Variants in MS4A4E observed in about 807,000 individuals in gnomAD.
MS4A4E encodes putative membrane-spanning 4-domains subfamily A member 4E.
MS4A4E carries 23 observed loss-of-function variants against 13.3 expected under a neutral mutation model. The observed-to-expected ratio is 1.73, with a 90% CI of 1.25 to 2.45. The LOEUF is 2.45. MS4A4E is among the 30% of genes most tolerant of loss of function. MS4A4E has a pLI of 0.00. For synonymous variants in MS4A4E, 36 were observed against 45.6 expected (o/e 0.79, Z 0.85); for missense variants, 144 against 131.2 (o/e 1.10, Z -0.48).
Position 60,222,198 on chromosome 11 carries a change from C to T in MS4A4E, c.178+6396G>A, listed in dbSNP as rs955141185. Among the ~76,000 whole-genome samples, 4 of 152,324 alleles carry T rather than the reference C, an allele frequency of 2.6e-5. No homozygotes were observed. The East Asian group carries it at 7.7e-4, about 29-fold the overall frequency. ...CGGTTTTTCCTCACCAGAATAGACA[C>T]TTACTTTGGATATGGGTTTGCCTAT... On this transcript the variant is annotated intron_variant, in intron 3 of 8. Transcript: ENST00000651255.
chr11:60,228,262 C>T lies in MS4A4E; in HGVS notation c.178+332G>A, dbSNP rs536337356. On this transcript the variant is annotated intron_variant, in intron 3 of 8. Transcript: ENST00000651255. ...CTCAACATTAAGAATACTAACATCCCAATTAAAAAAATGTGTCAAAAACTT... is the reference window on the plus strand; with the variant it reads ...CTCAACATTAAGAATACTAACATCCTAATTAAAAAAATGTGTCAAAAACTT... Among the ~76,000 whole-genome samples the T allele has an allele frequency of 2.6e-5, 4 of 151,982 alleles. No individual in the cohort carries two copies. The South Asian group carries it at 8.3e-4, about 32-fold the overall frequency.
rs1308271465 is a variant in MS4A4E, at chr11:60,224,873, TA to T, written c.178+3720del. The T allele has an allele frequency of 8.8e-6, 10 of 1,136,236 alleles. No homozygotes were observed. The African/African-American group carries it at 1.4e-4, about 16-fold the overall frequency. 70.4% of individuals were successfully genotyped at this position (1,136,236 alleles called of 1,614,324 possible). ...GATACCATTCTCAAATTTACAGAAT[TA>T]CAAGATAGAATTAGAATAAAATTGC... On this transcript the variant is annotated intron_variant, in intron 3 of 8. Transcript: ENST00000651255.
rs376543277 is a variant in MS4A4E at position 60,235,034 on chromosome 11, T to A, written c.-16-4963A>T. Among the ~76,000 whole-genome samples, 13 of 152,248 alleles carry A rather than the reference T, an allele frequency of 8.5e-5. No homozygotes were observed. In the East Asian group the frequency reaches 1.4e-3, roughly 16 times the overall value. On this transcript the variant is annotated intron_variant, in intron 1 of 8. Coordinates refer to ENST00000651255, the MANE Select transcript of MS4A4E (RefSeq NM_001393391.1). ...TAGGTCAGATAAAATAAACTTCTAA[T>A]CAAAAACTGTCAAAAGAGGCAAAGA...
At position 60,200,475 on chromosome 11, in the gene MS4A4E, A is replaced by G. The variant is rs1220181537; in HGVS notation, c.*1068T>C. 6.6e-6 allele frequency among the ~76,000 whole-genome samples: 1 copy of G among 152,096 alleles called. No individual in the cohort carries two copies. The highest frequency in any genetic ancestry group is 1.9e-4 in the East Asian group (1 of 5,190). ...TTTGTGTCCCTGGGTACTTGAGATT[A>G]GGGAGTGGTGATGACTCTTAACGAG... is the stretch of plus-strand genomic sequence containing the variant. On this transcript the variant is annotated 3_prime_UTR_variant, in exon 9 of 9. Transcript: ENST00000651255.
Position 60,200,498 on chromosome 11 carries a change from G to C in MS4A4E, c.*1045C>G, listed in dbSNP as rs1025272606. ...TTAGGGAGTGGTGATGACTCTTAAC[G>C]AGCATGCTGCCTTCAAGCATCTGTT... On this transcript the variant is annotated 3_prime_UTR_variant, in exon 9 of 9. Transcript: ENST00000651255. 6.6e-6 allele frequency among the ~76,000 whole-genome samples: 1 copy of C among 152,024 alleles called. No individual in the cohort carries two copies. Among genetic ancestry groups the C allele is most frequent in the Non-Finnish European group, 1.5e-5 (1 of 67,990 alleles).
At chr11:60,229,084 C>T (rs537067263) in intron 2 of MS4A4E, among the ~76,000 whole-genome samples, 1 of 152,336 alleles carries the variant, frequency 6.6e-6, no homozygotes, top group South Asian at 2.1e-4. Flanking sequence ...ACAAATGTCC[C>T]ACTCTGGTGG....
intron 1 of MS4A4E, among the ~76,000 whole-genome samples, chr11:60,237,948 C>T (rs1018308470): frequency 4.6e-5 from 7 of 151,594 alleles, no homozygotes; most frequent in Non-Finnish European, 8.8e-5. Flanking sequence ...TGGCTTTTTG[C>T]GGTTTTTGTC....
At chr11:60,218,555 C>G (rs892238415) in intron 3 of MS4A4E, among the ~76,000 whole-genome samples, 7 of 152,092 alleles carry the variant, frequency 4.6e-5, no homozygotes, top group Non-Finnish European at 2.9e-5. Context: ...ATTTCTCAAG[C>G]CAGCCAACGC....
At chr11:60,227,732 T>C (rs2134958782) in intron 3 of MS4A4E, among the ~76,000 whole-genome samples, 1 of 152,166 alleles carries the variant, frequency 6.6e-6, no homozygotes, top group Admixed American at 6.5e-5. Context: ...GACTGTGTGA[T>C]ATTGGCAAAG....
chr11:60,230,555 T>C (rs575077923), intron 1 of MS4A4E, among the ~76,000 whole-genome samples: 35 of 152,328 alleles, frequency 2.3e-4, no homozygotes, highest in Non-Finnish European at 4.4e-4. Flanking sequence ...TCTTCCCATG[T>C]AACCTTGTAT....
At chr11:60,203,442 C>G (rs1057515279) in intron 8 of MS4A4E, among the ~76,000 whole-genome samples, 2 of 152,110 alleles carry the variant, frequency 1.3e-5, no homozygotes, top group African/African-American at 4.8e-5. Context: ...GGAATTTAAT[C>G]ATGTATGTAA....
intron 5 of MS4A4E, among the ~76,000 whole-genome samples, 176 bp from the exon 6 acceptor site, chr11:60,208,870 T>C (rs1486412534): frequency 6.6e-6 from 1 of 152,196 alleles, no homozygotes; most frequent in African/African-American, 2.4e-5. Context: ...CTTCTCACTT[T>C]TTTCACTAAT....
At chr11:60,218,319 G>A (rs1043232445) in intron 3 of MS4A4E, among the ~76,000 whole-genome samples, 1 of 152,148 alleles carries the variant, frequency 6.6e-6, no homozygotes, top group African/African-American at 2.4e-5. Flanking sequence ...CTGTGGTCCT[G>A]TGATCTCGCC....
At chr11:60,209,094 A>G (rs1181621124) in intron 5 of MS4A4E, 9 of 152,342 alleles carry the variant, frequency 5.9e-5, no homozygotes, top group African/African-American at 1.9e-4. Flanking sequence ...GGAGGTCTGC[A>G]TCCTAGTCCC....
rs1025522027 is a variant in MS4A4E, at chr11:60,200,303, A to T, written c.*1240T>A. On this transcript the variant is annotated 3_prime_UTR_variant, in exon 9 of 9. Coordinates refer to ENST00000651255, the MANE Select transcript of MS4A4E (RefSeq NM_001393391.1). ...ATTTATTTATTTATTTATTTATTTA[A>T]TTTTTTATTGACCATTCTTGGGTGT... is the stretch of plus-strand genomic sequence containing the variant. Among the ~76,000 whole-genome samples the T allele has an allele frequency of 6.0e-5, 9 of 149,010 alleles. No homozygotes were observed. Among genetic ancestry groups the T allele is most frequent in the Non-Finnish European group, 1.2e-4 (8 of 67,396 alleles).
rs1263846401 is a variant in MS4A4E, at chr11:60,200,735, C to T, written c.*808G>A. 2.0e-5 allele frequency among the ~76,000 whole-genome samples: 3 copies of T among 152,382 alleles called. No homozygotes were observed. The East Asian group carries it at 5.8e-4, about 29-fold the overall frequency. ...ACCATCCGATTTCTCAATCTTTTCC[C>T]CACCTTTCCCCCCTTTCTATTCCAC... On this transcript the variant is annotated 3_prime_UTR_variant, in exon 9 of 9. Transcript: ENST00000651255.
intron 3 of MS4A4E, among the ~76,000 whole-genome samples, chr11:60,220,075 C>A (rs555647476): frequency 4.6e-5 from 7 of 152,154 alleles, no homozygotes; most frequent in Non-Finnish European, 8.8e-5. Context: ...ATTAGAGCTG[C>A]CTCTACCTAG....
intron 1 of MS4A4E, among the ~76,000 whole-genome samples, chr11:60,231,885 G>T (rs549079960): frequency 6.6e-6 from 1 of 152,228 alleles, no homozygotes; most frequent in African/African-American, 2.4e-5. Context: ...CAGATTAGGA[G>T]CATCTGGATA....
chr11:60,242,873 TCACTCCA>T, intron 1 of MS4A4E, 78 bp downstream of exon 1: 1 of 1,011,254 alleles, frequency 9.9e-7, no homozygotes. Flanking sequence ...TTTTTTTTTC[TCACTCCA>T]CTCCCAGAAA....
Sources: allele counts gnomAD v4.1 joint callset (sites outside exome capture counted in the v4.1 genomes callset), GRCh38; gene constraint gnomAD v4.1.1; transcripts MANE v1.5; gene names NCBI Gene and HGNC (gene_info 2026-07-23, HGNC 2026-07-21).